RBP7: variants seen among roughly 807,000 people sequenced by gnomAD.
RBP7 encodes the protein retinol binding protein 7, also known as retinoid-binding protein 7.
A neutral mutation model predicts 16.7 loss-of-function variants in RBP7; 13 were observed. The observed-to-expected ratio is 0.78, with a 90% CI of 0.51 to 1.24. RBP7 has a LOEUF of 1.24. Among genes scored for constraint, RBP7 ranks in the 50% most tolerant of loss-of-function variants. The pLI, the probability that RBP7 is intolerant of heterozygous loss-of-function variation, is 0.00. For synonymous variants in RBP7, 54 were observed against 56.2 expected (o/e 0.96, Z 0.17); for missense variants, 145 against 159.5 (o/e 0.91, Z 0.49).
At chr1:10,015,244 A>G (rs1001098230) in intron 3 of RBP7, among the ~76,000 whole-genome samples, 1 of 152,066 alleles carries the variant, frequency 6.6e-6, no homozygotes, top group Non-Finnish European at 1.5e-5. Flanking sequence ...GTTCAAGAAC[A>G]GCCTGGCCAA....
At chr1:9,999,275 G>A (rs901857694) in intron 1 of RBP7, among the ~76,000 whole-genome samples, 14 of 151,860 alleles carry the variant, frequency 9.2e-5, no homozygotes, top group Admixed American at 6.6e-4. Flanking sequence ...TGCCAGGCTC[G>A]GTGGCTCACG....
At chr1:10,001,693 G>T (rs2101732566) in intron 1 of RBP7, among the ~76,000 whole-genome samples, 1 of 152,270 alleles carries the variant, frequency 6.6e-6, no homozygotes, top group East Asian at 1.9e-4. Flanking sequence ...CACAGATATT[G>T]ACTAACTTGT....
Position 9,997,877 on chromosome 1 carries a change from T to C in RBP7, c.73+546T>C, listed in dbSNP as rs6697566. ...GGAGCGGGTCGGGGATGCAGAATCC[T>C]GGAGCCAGCGGACGACCCTTCAGGT... is the stretch of plus-strand genomic sequence containing the variant. On this transcript the variant is annotated intron_variant, in intron 1 of 3. Transcript: ENST00000294435. The surrounding 1 kb of genome is among the most constrained non-coding windows in gnomAD (Gnocchi z 5.9). 0.99 allele frequency among the ~76,000 whole-genome samples: 150,800 copies of C among 152,176 alleles called. 74,729 individuals are homozygous for C. Among genetic ancestry groups the C allele is most frequent in the Middle Eastern group, 1 (292 of 292 alleles).
chr1:10,012,939 CAA>C (rs760583223), intron 3 of RBP7, among the ~76,000 whole-genome samples: 9 of 71,324 alleles, frequency 1.3e-4, no homozygotes, highest in Admixed American at 1.5e-4. Flanking sequence ...GAAACTGTCT[CAA>C]AAAAAAAAAA....
intron 1 of RBP7, among the ~76,000 whole-genome samples, chr1:10,005,188 G>GT (rs1173647252): frequency 2.0e-5 from 3 of 151,916 alleles, no homozygotes; most frequent in Admixed American, 1.3e-4. Flanking sequence ...ATGCCCAGCT[G>GT]TTTTTTTGAG....
Position 10,007,631 on chromosome 1 carries a change from G to C in RBP7, c.135G>C (p.Gln45His). The change falls in exon 2 of 4, where the codon CAG becomes CAC. Residue 45 changes from glutamine to histidine, a missense_variant. By Grantham distance (24) the Gln-to-His change is conservative. Coordinates refer to ENST00000294435, the MANE Select transcript of RBP7 (RefSeq NM_052960.3). Reference protein sequence around the residue: ...KLLKPQKVIEQNGDSFTIHTN... With the variant: ...KLLKPQKVIEHNGDSFTIHTN... ...TGAAGCCACAGAAAGTGATTGAGCA[G>C]AATGGGGATTCTTTTACCATCCACA... is the stretch of plus-strand genomic sequence containing the variant. 1 of 1,614,084 alleles carries C rather than the reference G, an allele frequency of 6.2e-7. No individual in the cohort carries two copies. Among genetic ancestry groups the C allele is most frequent in the Non-Finnish European group, 8.5e-7 (1 of 1,179,974 alleles).
At chr1:10,004,985 C>T (rs1642401755) in intron 1 of RBP7, among the ~76,000 whole-genome samples, 1 of 151,786 alleles carries the variant, frequency 6.6e-6, no homozygotes, top group Admixed American at 6.6e-5. Flanking sequence ...AGAATGAGAC[C>T]CTGTCTCAAA....
intron 1 of RBP7, among the ~76,000 whole-genome samples, chr1:10,000,887 C>G (rs1416409411): frequency 6.6e-6 from 1 of 151,956 alleles, no homozygotes; most frequent in Non-Finnish European, 1.5e-5. Context: ...AGGTGCCCAC[C>G]ACCTCTCCTG....
chr1:10,007,930 A>C (rs539836614), intron 2 of RBP7, among the ~76,000 whole-genome samples, 182 bp downstream of exon 2: 1 of 151,996 alleles, frequency 6.6e-6, no homozygotes, highest in East Asian at 1.9e-4. Context: ...GGAGCCTGTA[A>C]TCCCAGCTAC....
At chr1:9,998,494 G>A (rs1337671378) in intron 1 of RBP7, among the ~76,000 whole-genome samples, 1 of 140,116 alleles carries the variant, frequency 7.1e-6, no homozygotes, top group Non-Finnish European at 1.5e-5. Context: ...TGCAAGCTCC[G>A]CCTACCGGGT....
intron 1 of RBP7, among the ~76,000 whole-genome samples, chr1:10,000,752 T>C (rs1212248629): frequency 6.6e-6 from 1 of 152,102 alleles, no homozygotes; most frequent in Non-Finnish European, 1.5e-5. Flanking sequence ...GTTGTTGTTG[T>C]TGAGATGGAG....
At position 9,999,503 on chromosome 1, in the gene RBP7, A is replaced by G. The variant is rs542823834; in HGVS notation, c.73+2172A>G. 1.0e-3 allele frequency among the ~76,000 whole-genome samples: 155 copies of G among 152,224 alleles called. 2 individuals carry two copies. The Middle Eastern group carries it at 0.017, about 17-fold the overall frequency. On this transcript the variant is annotated intron_variant, in intron 1 of 3. Transcript: ENST00000294435. ...AGGAGGCAGAGGTTGCAGTGAGCTGAGATGGTGCCATTGCACTCCAGCCTG... is the reference window on the plus strand; with the variant it reads ...AGGAGGCAGAGGTTGCAGTGAGCTGGGATGGTGCCATTGCACTCCAGCCTG...
intron 3 of RBP7, among the ~76,000 whole-genome samples, chr1:10,013,076 T>C (rs1642672033): frequency 1.4e-5 from 2 of 140,252 alleles, no homozygotes; most frequent in African/African-American, 5.5e-5. Context: ...TTACCATGAT[T>C]TTTTTTTTTT....
At chr1:10,011,199 A>G (rs1418812941) in intron 3 of RBP7, among the ~76,000 whole-genome samples, 1 of 152,066 alleles carries the variant, frequency 6.6e-6, no homozygotes, top group Non-Finnish European at 1.5e-5. Flanking sequence ...CTGTCATCTT[A>G]AGAGTATATT....
At chr1:10,012,413 C>T (rs947936303) in intron 3 of RBP7, among the ~76,000 whole-genome samples, 7 of 151,334 alleles carry the variant, frequency 4.6e-5, no homozygotes, top group East Asian at 1.9e-4. Flanking sequence ...AACTTGCCTT[C>T]GCAAATACGT....
intron 3 of RBP7, among the ~76,000 whole-genome samples, chr1:10,012,046 AT>A (rs1557487449): frequency 6.6e-6 from 1 of 151,000 alleles, no homozygotes; most frequent in Non-Finnish European, 1.5e-5. Context: ...CTACTAAAAA[AT>A]ATTTAAAAAA....
chr1:10,005,226 T>G (rs1398955628), intron 1 of RBP7, among the ~76,000 whole-genome samples: 1 of 152,132 alleles, frequency 6.6e-6, no homozygotes, highest in Non-Finnish European at 1.5e-5. Context: ...CATTTGTTTG[T>G]TTTTGAGATG....
Position 10,015,849 on chromosome 1 carries a change from G to C in RBP7, c.*17G>C. 6.2e-7 allele frequency: 1 copy of C among 1,612,968 alleles called. No individual in the cohort carries two copies. Among genetic ancestry groups the C allele is most frequent in the Non-Finnish European group, 8.5e-7 (1 of 1,179,026 alleles). Reference sequence around the variant, plus strand: ...AGAGCCTGATCCACATCCAGCAGCAGAGCCCACTTGTGGCTGCAGCTTTAT... The same window carrying C: ...AGAGCCTGATCCACATCCAGCAGCACAGCCCACTTGTGGCTGCAGCTTTAT... On this transcript the variant is annotated 3_prime_UTR_variant, in exon 4 of 4. Coordinates refer to ENST00000294435, the MANE Select transcript of RBP7 (RefSeq NM_052960.3).
At chr1:10,011,204 T>C (rs532389017) in intron 3 of RBP7, among the ~76,000 whole-genome samples, 1 of 152,158 alleles carries the variant, frequency 6.6e-6, no homozygotes, top group East Asian at 1.9e-4. Context: ...ATCTTAAGAG[T>C]ATATTTAACA....
Sources: gnomAD v4.1 joint callset for allele counts (sites outside exome capture counted in the v4.1 genomes callset) on GRCh38, gnomAD v4.1.1 for gene constraint, Gnocchi (gnomAD v3.1) non-coding constraint, MANE v1.5 for transcripts, NCBI Gene and HGNC (gene_info 2026-07-23, HGNC 2026-07-21) for gene names.